Variants in HERPUD2 observed in about 807,000 individuals in gnomAD.
HERPUD2 encodes the protein homocysteine-responsive endoplasmic reticulum-resident ubiquitin-like domain member 2 protein.
HERPUD2 carries 13 observed loss-of-function variants against 49.9 expected under a neutral mutation model. That is an observed-to-expected ratio of 0.26 (90% CI 0.17 to 0.41). HERPUD2 has a LOEUF of 0.41. Ranked by LOEUF, HERPUD2 falls within the 10% of genes least tolerant of loss-of-function variation. The probability of loss-of-function intolerance (pLI) is 1.00; values close to 1 mark genes in which losing one functional copy is unlikely to be tolerated. For missense variants in HERPUD2, 449 were observed against 492.2 expected (o/e 0.91, Z 0.83); for synonymous variants, 172 against 171.4 (o/e 1.00, Z -0.03).
Position 35,694,923 on chromosome 7 carries a change from A to T in HERPUD2, c.-420T>A, listed in dbSNP as rs1008039993. 1 of 152,544 alleles carries T rather than the reference A, an allele frequency of 6.6e-6. No homozygotes were observed. Among genetic ancestry groups the T allele is most frequent in the African/African-American group, 2.4e-5 (1 of 41,444 alleles). The allele number at this position is 152,544 out of a possible 1,614,324, so 9.4% of individuals were successfully genotyped here. On this transcript the variant is annotated 5_prime_UTR_variant, in exon 1 of 9. Transcript: ENST00000311350. ...CCCTTCCTGCTGCGCGGCGACCGGC[A>T]CGGCCCAGCCCCGGGTCTCGCGAGG... is the stretch of plus-strand genomic sequence containing the variant.
At chr7:35,679,474 A>C (rs1465668597) in intron 2 of HERPUD2, among the ~76,000 whole-genome samples, 1 of 152,218 alleles carries the variant, frequency 6.6e-6, no homozygotes, top group Non-Finnish European at 1.5e-5. Context: ...GAAAAGATGC[A>C]ATAGCACCCA....
At chr7:35,671,950 G>GA (rs1468775531) in intron 3 of HERPUD2, among the ~76,000 whole-genome samples, 5 of 150,124 alleles carry the variant, frequency 3.3e-5, no homozygotes, top group East Asian at 1.9e-4. Context: ...AAAAACAAGA[G>GA]AAAAAAAAAG....
chr7:35,665,000 A>C (rs1314934233), intron 5 of HERPUD2, among the ~76,000 whole-genome samples: 3 of 152,182 alleles, frequency 2.0e-5, no homozygotes, highest in Non-Finnish European at 2.9e-5. Flanking sequence ...AGGGGCACCC[A>C]GCCTTATGAA....
chr7:35,642,537 A>G (rs1436578355), intron 5 of HERPUD2, among the ~76,000 whole-genome samples: 1 of 152,264 alleles, frequency 6.6e-6, no homozygotes, highest in Non-Finnish European at 1.5e-5. Flanking sequence ...TATTCACAAT[A>G]GCAAAGACAC....
Position 35,633,832 on chromosome 7 carries a change from C to T in HERPUD2, c.1079G>A (p.Gly360Glu). The change falls in exon 9 of 9, where the codon GGG (glycine) becomes GAG (glutamate). Residue 360 changes from glycine (G) to glutamate (E), a missense_variant. Transcript: ENST00000311350. The part of the protein sequence containing the change: ...LEEMERLMDD[G>E]LEDESGEDGG... ...ATCTTCTCCACTCTCATCTTCAAGC[C>T]CATCATCCATAAGACGCTCCTTTCA... is the stretch of plus-strand genomic sequence containing the variant. 6 of 1,613,686 alleles carry T rather than the reference C, an allele frequency of 3.7e-6. No homozygotes were observed. The highest frequency in any genetic ancestry group is 5.1e-6 in the Non-Finnish European group (6 of 1,179,826).
chr7:35,666,269 C>T (rs1289034756), intron 5 of HERPUD2, among the ~76,000 whole-genome samples: 1 of 152,224 alleles, frequency 6.6e-6, no homozygotes, highest in Non-Finnish European at 1.5e-5. Context: ...CCAGCCTCAT[C>T]TAAACATTTA....
At chr7:35,682,228 TATAGATATATACACATACACAC>T (rs1785907565) in intron 2 of HERPUD2, among the ~76,000 whole-genome samples, 4 of 130,466 alleles carry the variant, frequency 3.1e-5, no homozygotes, top group Admixed American at 7.7e-5. Flanking sequence ...TGTGTGTATA[TATAGATATATACACATACACAC>T]GTGTGTGTGT....
intron 2 of HERPUD2, among the ~76,000 whole-genome samples, chr7:35,690,438 A>T (rs1364098980): frequency 6.6e-6 from 1 of 152,266 alleles, no homozygotes; most frequent in Non-Finnish European, 1.5e-5. Context: ...AAGGATCTAT[A>T]ATCTTTTTAC....
intron 5 of HERPUD2, among the ~76,000 whole-genome samples, chr7:35,666,332 T>C (rs1195514254): frequency 6.6e-6 from 1 of 152,242 alleles, no homozygotes; most frequent in Non-Finnish European, 1.5e-5. Flanking sequence ...TTAGTTCTCT[T>C]CTATTTGCTA....
intron 5 of HERPUD2, among the ~76,000 whole-genome samples, chr7:35,647,285 T>C (rs1242448323): frequency 2.0e-5 from 3 of 152,116 alleles, no homozygotes. Context: ...TCAAATGTTA[T>C]CACCTCTGAA....
At chr7:35,686,739 AAAAAAAC>A (rs1219231223) in intron 2 of HERPUD2, among the ~76,000 whole-genome samples, 1 of 112,400 alleles carries the variant, frequency 8.9e-6, no homozygotes, top group Non-Finnish European at 1.7e-5. Flanking sequence ...AAAAAAAAAA[AAAAAAAC>A]CAAACCCATT....
In HERPUD2 at chr7:35,633,112, G is replaced by A. The variant is rs1290313308; in HGVS notation, c.*578C>T. 6.6e-6 allele frequency: 1 copy of A among 151,188 alleles called. No homozygotes were observed. The highest frequency in any genetic ancestry group is 6.6e-5 in the Admixed American group (1 of 15,170). 9.4% of individuals were successfully genotyped at this position (151,188 alleles called of 1,614,324 possible). A position where few individuals can be genotyped will look rare whatever the true frequency, so the allele number is the denominator to read the frequency against. Reference sequence around the variant, plus strand: ...GACCGAGTCTCACTCTGTCGCCCAGGGTGGAGTGCAGTGGCCCAATCTCAG... The same window carrying A: ...GACCGAGTCTCACTCTGTCGCCCAGAGTGGAGTGCAGTGGCCCAATCTCAG... On this transcript the variant is annotated 3_prime_UTR_variant, in exon 9 of 9. Coordinates refer to ENST00000311350, the MANE Select transcript of HERPUD2 (RefSeq NM_022373.5).
chr7:35,693,646 C>T (rs888266642), intron 2 of HERPUD2, among the ~76,000 whole-genome samples: 1 of 151,934 alleles, frequency 6.6e-6, no homozygotes, highest in African/African-American at 2.4e-5. Context: ...TCCATGCCTG[C>T]CAATTCTTTG....
chr7:35,664,506 C>T (rs946035898), intron 5 of HERPUD2, among the ~76,000 whole-genome samples: 1 of 152,188 alleles, frequency 6.6e-6, no homozygotes, highest in Non-Finnish European at 1.5e-5. Context: ...GTTGCATTCT[C>T]CCCATCACTT....
chr7:35,637,894 G>A (rs1784896745), intron 6 of HERPUD2, among the ~76,000 whole-genome samples: 1 of 152,190 alleles, frequency 6.6e-6, no homozygotes, highest in South Asian at 2.1e-4. Flanking sequence ...GAGTTGAGGA[G>A]AATGAAGGCT....
At chr7:35,690,809 C>CA (rs201783291) in intron 2 of HERPUD2, among the ~76,000 whole-genome samples, 64 of 143,728 alleles carry the variant, frequency 4.5e-4, no homozygotes, top group South Asian at 1.1e-3. Flanking sequence ...AACTCCGTCT[C>CA]AAAAAAAAAA....
intron 5 of HERPUD2, among the ~76,000 whole-genome samples, chr7:35,663,935 T>C (rs890042055): frequency 1.3e-5 from 2 of 152,202 alleles, no homozygotes; most frequent in Non-Finnish European, 1.5e-5. Flanking sequence ...AGCCTGTCAT[T>C]ATGATGTTAG....
intron 4 of HERPUD2, among the ~76,000 whole-genome samples, chr7:35,669,029 C>T (rs1785594684): frequency 1.3e-5 from 2 of 152,014 alleles, no homozygotes. Context: ...AACAAATATA[C>T]ACACTAATGA....
rs1190311812 is a variant in HERPUD2 at position 35,632,869 on chromosome 7, G to T, written c.*821C>A. On this transcript the variant is annotated 3_prime_UTR_variant, in exon 9 of 9. Coordinates refer to ENST00000311350, the MANE Select transcript of HERPUD2 (RefSeq NM_022373.5). The stretch of plus-strand genomic sequence containing the variant: ...TTATTTATTCAAATATCAAAATTAA[G>T]ATTATTGAGAAGTTTATTGCTTTAT... 1.3e-5 allele frequency: 2 copies of T among 152,358 alleles called. No individual in the cohort carries two copies. The highest frequency in any genetic ancestry group is 6.6e-5 in the Admixed American group (1 of 15,240). The allele number at this position is 152,358 out of a possible 1,614,324, so 9.4% of individuals were successfully genotyped here.
Sources: gnomAD v4.1 joint callset for allele counts (sites outside exome capture counted in the v4.1 genomes callset) on GRCh38, gnomAD v4.1.1 for gene constraint, MANE v1.5 for transcripts, NCBI Gene and HGNC (gene_info 2026-07-23, HGNC 2026-07-21) for gene names.